The following PTAR1 variants were observed in gnomAD, a reference collection of about 807,000 sequenced individuals.
The protein encoded by PTAR1 is protein prenyltransferase alpha subunit repeat-containing protein 1.
In PTAR1, 17 loss-of-function variants were observed where a neutral mutation model predicts 45.5. The observed-to-expected ratio is 0.37, with a 90% CI of 0.26 to 0.56. The LOEUF is 0.56. Among genes scored for constraint, PTAR1 ranks in the 20% least tolerant of loss-of-function variants. The pLI, the probability that PTAR1 is intolerant of heterozygous loss-of-function variation, is 0.77. For missense variants in PTAR1, 391 were observed against 476.3 expected, an observed-to-expected ratio of 0.82 and a Z score of 1.67; for synonymous variants, 169 against 171.3, an observed-to-expected ratio of 0.99 and a Z score of 0.11.
At chr9:69,719,255 G>C (rs1824873940) in intron 6 of PTAR1, among the ~76,000 whole-genome samples, 1 of 152,044 alleles carries the variant, frequency 6.6e-6, no homozygotes, top group Admixed American at 6.6e-5. Context: ...CACATGCATT[G>C]GGGATGTGCT....
chr9:69,725,568 C>T (rs996796909), intron 5 of PTAR1, among the ~76,000 whole-genome samples: 3 of 149,282 alleles, frequency 2.0e-5, no homozygotes, highest in South Asian at 2.1e-4. Flanking sequence ...CCAGCCTGGG[C>T]GACAAAACAA....
intron 5 of PTAR1, among the ~76,000 whole-genome samples, chr9:69,724,700 C>A (rs1354176467): frequency 6.6e-6 from 1 of 152,178 alleles, no homozygotes; most frequent in African/African-American, 2.4e-5. Flanking sequence ...AATTTCAGTG[C>A]ATCTCTTCAT....
At chr9:69,737,297 T>C (rs1825835523) in intron 3 of PTAR1, among the ~76,000 whole-genome samples, 1 of 152,078 alleles carries the variant, frequency 6.6e-6, no homozygotes, top group Admixed American at 6.6e-5. Context: ...CCCAGGCTGG[T>C]CTCAAACTTC....
chr9:69,726,465 AT>A (rs1564130124), intron 5 of PTAR1, among the ~76,000 whole-genome samples: 2 of 152,122 alleles, frequency 1.3e-5, no homozygotes, highest in African/African-American at 4.8e-5. Flanking sequence ...CTATGTACAT[AT>A]CTAATTATTT....
At chr9:69,721,487 G>C (rs1733734398) in intron 6 of PTAR1, among the ~76,000 whole-genome samples, 1 of 152,316 alleles carries the variant, frequency 6.6e-6, no homozygotes, top group Non-Finnish European at 1.5e-5. Flanking sequence ...AAAGGATTTA[G>C]AGTATGACAC....
intron 2 of PTAR1, among the ~76,000 whole-genome samples, chr9:69,750,447 G>C (rs186415964): frequency 6.6e-6 from 1 of 152,052 alleles, no homozygotes; most frequent in Non-Finnish European, 1.5e-5. Flanking sequence ...ATAGGGACTA[G>C]AGTCTTCTTC....
intron 2 of PTAR1, among the ~76,000 whole-genome samples, chr9:69,746,765 A>T (rs973646397): frequency 1.3e-5 from 2 of 152,234 alleles, no homozygotes; most frequent in Admixed American, 1.3e-4. Flanking sequence ...AACAAGGAGA[A>T]GATAAAAGGA....
At chr9:69,728,392 TTTAA>T (rs1045050318) in intron 5 of PTAR1, among the ~76,000 whole-genome samples, 3 of 152,178 alleles carry the variant, frequency 2.0e-5, no homozygotes, top group African/African-American at 7.2e-5. Context: ...TGATTCTATG[TTTAA>T]TTATTTGAGG....
intron 3 of PTAR1, among the ~76,000 whole-genome samples, chr9:69,738,982 T>C (rs1825916826): frequency 6.6e-6 from 1 of 152,160 alleles, no homozygotes; most frequent in African/African-American, 2.4e-5. Context: ...TAATTTTTTG[T>C]ATTTTAGTAG....
intron 1 of PTAR1, chr9:69,757,772 A>G (rs1010684469): frequency 9.2e-5 from 14 of 151,784 alleles, no homozygotes; most frequent in Non-Finnish European, 2.1e-4. Context: ...AAAAAAAGAA[A>G]CACAGCCTCT....
At chr9:69,738,458 T>C (rs1825890663) in intron 3 of PTAR1, among the ~76,000 whole-genome samples, 1 of 152,196 alleles carries the variant, frequency 6.6e-6, no homozygotes, top group Admixed American at 6.5e-5. Context: ...AGAACATTTG[T>C]CTATTGTCTC....
In PTAR1 at chr9:69,713,897, G is replaced by A. The variant is rs1188738260; in HGVS notation, c.*4445C>T. On this transcript the variant is annotated 3_prime_UTR_variant, in exon 8 of 8. Coordinates refer to ENST00000340434, the MANE Select transcript of PTAR1 (RefSeq NM_001099666.2). ...AATACCCTACGGGGCCATGCCTAGC[G>A]ATGGGAATAAATAAAACAATGGGCC... The A allele has an allele frequency of 2.0e-5, 3 of 152,082 alleles. No individual in the cohort carries two copies. Among genetic ancestry groups the A allele is most frequent in the East Asian group, 3.8e-4 (2 of 5,200 alleles). The allele number at this position is 152,082 out of a possible 1,614,324, so 9.4% of individuals were successfully genotyped here.
intron 1 of PTAR1, among the ~76,000 whole-genome samples, chr9:69,752,428 A>G (rs1198939401): frequency 6.6e-6 from 1 of 152,086 alleles, no homozygotes; most frequent in Non-Finnish European, 1.5e-5. Context: ...TTTATCAATA[A>G]AAAGGATATC....
intron 1 of PTAR1, among the ~76,000 whole-genome samples, chr9:69,759,606 G>A (rs1175140454): frequency 6.6e-6 from 1 of 152,216 alleles, no homozygotes; most frequent in East Asian, 1.9e-4. Flanking sequence ...GAGGGACAGA[G>A]AAAGTAGTTC....
At chr9:69,729,181 G>A (rs575997901) in intron 5 of PTAR1, among the ~76,000 whole-genome samples, 11 of 152,182 alleles carry the variant, frequency 7.2e-5, no homozygotes, top group South Asian at 2.1e-4. Flanking sequence ...TTAGCTGGGC[G>A]TGGTAGTGGG....
intron 5 of PTAR1, among the ~76,000 whole-genome samples, chr9:69,724,727 G>A (rs1340995495): frequency 6.6e-6 from 1 of 152,150 alleles, no homozygotes. Flanking sequence ...TAAACTCAGT[G>A]AGTGAGGGCT....
At chr9:69,747,754 C>A (rs1263648052) in intron 2 of PTAR1, among the ~76,000 whole-genome samples, 1 of 152,074 alleles carries the variant, frequency 6.6e-6, no homozygotes, top group Non-Finnish European at 1.5e-5. Context: ...TCAGATTTAT[C>A]CAACTAATAA....
Position 69,712,568 on chromosome 9 carries a change from T to C in PTAR1, c.*5774A>G, listed in dbSNP as rs1178821479. ...ATATGATAGCTAAGCTAGTTTTATC[T>C]TTCTAGCTTTTATCAACTCTTGACT... On this transcript the variant is annotated 3_prime_UTR_variant, in exon 8 of 8. Transcript: ENST00000340434. The C allele has an allele frequency of 6.6e-6, 1 of 152,174 alleles. No individual in the cohort carries two copies. The highest frequency in any genetic ancestry group is 2.4e-5 in the African/African-American group (1 of 41,462). 9.4% of individuals were successfully genotyped at this position (152,174 alleles called of 1,614,324 possible).
Position 69,723,508 on chromosome 9 carries a change from A to G in PTAR1, c.765T>C (p.Ser255=), listed in dbSNP as rs7024916. 2 of 1,613,908 alleles carry G rather than the reference A, an allele frequency of 1.2e-6. No homozygotes were observed. Among genetic ancestry groups the G allele is most frequent in the Admixed American group, 1.7e-5 (1 of 60,016 alleles). The change falls in exon 6 of 8, where the codon AGT becomes AGC. Residue 255 remains serine (S), a synonymous_variant. Transcript: ENST00000340434. ...KSLISQTVID[S]SVMEQNPLRS... is the part of the protein sequence containing the mutation. ...TCAAAGGATTTTGCTCCATCACAGA[A>G]CTGTCTATCACAGTTTGGCTAATCA...
Sources: gnomAD v4.1 joint callset for allele counts (sites outside exome capture counted in the v4.1 genomes callset) on GRCh38, gnomAD v4.1.1 for gene constraint, MANE v1.5 for transcripts, NCBI Gene and HGNC (gene_info 2026-07-23, HGNC 2026-07-21) for gene names.